Variants in TAMM41 observed in about 807,000 individuals in gnomAD.
TAMM41 encodes TAM41 mitochondrial translocator assembly and maintenance homolog.
A neutral mutation model predicts 44.1 loss-of-function variants in TAMM41; 36 were observed. The observed-to-expected ratio is 0.82, with a 90% CI of 0.63 to 1.08. TAMM41 has a LOEUF of 1.08. TAMM41 is among the 50% of genes least tolerant of loss of function. TAMM41 has a pLI of 0.00. For missense variants in TAMM41, 417 were observed against 404.3 expected (o/e 1.03, Z -0.27); for synonymous variants, 164 against 153.1 (o/e 1.07, Z -0.53).
the TAMM41 span, among the ~76,000 whole-genome samples, chr3:11,767,578 A>C: frequency 2.0e-5 from 3 of 148,548 alleles, no homozygotes; most frequent in African/African-American, 7.5e-5. Flanking sequence ...TCCCACCAGC[A>C]ATGTACGAGG....
At chr3:11,790,356 G>A (rs1275786449), downstream of TAMM41, 1 of 743,530 alleles carries the variant, frequency 1.3e-6, no homozygotes, top group Non-Finnish European at 2.3e-6. Context: ...CTGGATAAAT[G>A]TCTGATGCAT....
chr3:11,773,386 T>G, the TAMM41 span, among the ~76,000 whole-genome samples: 1 of 152,154 alleles, frequency 6.6e-6, no homozygotes, highest in Non-Finnish European at 1.5e-5. Flanking sequence ...TTTTAATTTT[T>G]TATAAAATTT....
chr3:11,807,181 G>A (rs944381512), intron 7 of TAMM41: 3 of 1,378,606 alleles, frequency 2.2e-6, no homozygotes, highest in Non-Finnish European at 2.8e-6. Context: ...CACTCTCCAT[G>A]AGAGAAGAAC....
chr3:11,807,312 T>C (rs2077939466), intron 7 of TAMM41: 1 of 1,445,736 alleles, frequency 6.9e-7, no homozygotes, highest in Non-Finnish European at 9.0e-7. Flanking sequence ...GTGCGTACAT[T>C]TGATGAGGGT....
chr3:11,830,946 T>G (rs2125034725), intron 3 of TAMM41: 1 of 152,096 alleles, frequency 6.6e-6, no homozygotes, highest in South Asian at 2.1e-4. Context: ...AAGATTGCAC[T>G]GCAGTTAAGA....
chr3:11,826,953 C>T (rs775569636), intron 4 of TAMM41: 3 of 152,236 alleles, frequency 2.0e-5, no homozygotes, highest in Non-Finnish European at 4.4e-5. Flanking sequence ...ACTTCAGTCA[C>T]ATCAGTCTAC....
At chr3:11,813,150 T>G (rs1393943873) in intron 5 of TAMM41, among the ~76,000 whole-genome samples, 1 of 152,206 alleles carries the variant, frequency 6.6e-6, no homozygotes, top group Non-Finnish European at 1.5e-5. Flanking sequence ...GACAGACACA[T>G]TATACTTCCC....
intron 7 of TAMM41, among the ~76,000 whole-genome samples, chr3:11,802,777 T>A (rs1427158475): frequency 6.6e-6 from 1 of 152,182 alleles, no homozygotes; most frequent in Non-Finnish European, 1.5e-5. Context: ...ATATCCCTGA[T>A]GAACACAGAC....
the TAMM41 span, among the ~76,000 whole-genome samples, chr3:11,741,211 C>T: frequency 9.3e-5 from 6 of 64,764 alleles, 1 homozygote; most frequent in East Asian, 1.5e-3. Context: ...AACAAGACAC[C>T]GTCTCAAAAA....
At chr3:11,810,828 C>T (rs1365145270) in intron 5 of TAMM41, 1 of 151,932 alleles carries the variant, frequency 6.6e-6, no homozygotes, top group Non-Finnish European at 1.5e-5. Context: ...GTTTGGGAGG[C>T]TGAGGCAGGA....
At chr3:11,796,198 C>T (rs779557447) in intron 7 of TAMM41, among the ~76,000 whole-genome samples, 15 of 152,112 alleles carry the variant, frequency 9.9e-5, no homozygotes, top group South Asian at 8.3e-4. Flanking sequence ...GGCAGTCCTC[C>T]GAGCTGGTTA....
At chr3:11,816,382 T>C (rs1204855219) in intron 5 of TAMM41, among the ~76,000 whole-genome samples, 1 of 152,174 alleles carries the variant, frequency 6.6e-6, no homozygotes, top group East Asian at 1.9e-4. Context: ...ATTTTGAATA[T>C]GTATGAGCCC....
At chr3:11,786,313 A>ATTTT (rs1284094205), downstream of TAMM41, among the ~76,000 whole-genome samples, 1 of 125,836 alleles carries the variant, frequency 7.9e-6, no homozygotes, top group African/African-American at 3.1e-5. Flanking sequence ...TATTATTATT[A>ATTTT]TTATTTTTTG....
chr3:11,769,792 G>T, the TAMM41 span, among the ~76,000 whole-genome samples: 1 of 152,242 alleles, frequency 6.6e-6, no homozygotes, highest in East Asian at 1.9e-4. Flanking sequence ...TCAGCCTCAA[G>T]AGGAGTCAGG....
chr3:11,758,162 G>A, the TAMM41 span, among the ~76,000 whole-genome samples: 1 of 152,132 alleles, frequency 6.6e-6, no homozygotes, highest in Non-Finnish European at 1.5e-5. Flanking sequence ...GAATGGAGAC[G>A]ATCCCAGTTG....
At chr3:11,827,667 G>A (rs548902447) in intron 4 of TAMM41, among the ~76,000 whole-genome samples, 29 of 149,402 alleles carry the variant, frequency 1.9e-4, no homozygotes, top group African/African-American at 6.8e-4. Context: ...GAGGGGGGTG[G>A]AGGAAAAATA....
the TAMM41 span, chr3:11,721,952 T>G: frequency 6.6e-6 from 1 of 152,176 alleles, no homozygotes; most frequent in African/African-American, 2.4e-5. Context: ...CAGAGGAAAA[T>G]GAAATGCCCA....
At chr3:11,772,271 C>A in the TAMM41 span, among the ~76,000 whole-genome samples, 10 of 145,866 alleles carry the variant, frequency 6.9e-5, no homozygotes, top group Admixed American at 6.3e-4. Flanking sequence ...TTAGTAGAGA[C>A]GGGCTTTCAC....
At chr3:11,766,733 A>T in the TAMM41 span, among the ~76,000 whole-genome samples, 6 of 150,882 alleles carry the variant, frequency 4.0e-5, no homozygotes, top group East Asian at 5.9e-4. Context: ...CATCTGGCAA[A>T]TTTTTTTTAC....
Sources: gnomAD v4.1 joint callset for allele counts (sites outside exome capture counted in the v4.1 genomes callset) on GRCh38, gnomAD v4.1.1 for gene constraint, MANE v1.5 for transcripts, NCBI Gene and HGNC (gene_info 2026-07-23, HGNC 2026-07-21) for gene names.